The following ST7 variants were observed in gnomAD, a reference collection of about 807,000 sequenced individuals.
ST7 encodes suppression of tumorigenicity 7, also known as suppressor of tumorigenicity 7 protein.
A neutral mutation model predicts 78.7 loss-of-function variants in ST7; 28 were observed. The observed-to-expected ratio is 0.36, with a 90% CI of 0.26 to 0.49. The LOEUF is 0.49. ST7 is among the 20% of genes least tolerant of loss of function. The pLI is 0.99. For missense variants in ST7, 418 were observed against 696.0 expected (o/e 0.60, Z 4.49); for synonymous variants, 247 against 249.6 (o/e 0.99, Z 0.10).
At chr7:117,188,227 T>C (rs1489378183) in intron 10 of ST7, among the ~76,000 whole-genome samples, 8 of 152,210 alleles carry the variant, frequency 5.3e-5, no homozygotes, top group Non-Finnish European at 2.9e-5. Context: ...CCTCTGTCTA[T>C]TGGCTAATTA....
At chr7:116,978,105 A>G (rs1426914199) in intron 1 of ST7, among the ~76,000 whole-genome samples, 3 of 152,134 alleles carry the variant, frequency 2.0e-5, no homozygotes, top group African/African-American at 4.8e-5. Context: ...GAATCATTCC[A>G]TGGGCCAGCC....
At chr7:116,982,720 A>C (rs1794012536) in intron 1 of ST7, among the ~76,000 whole-genome samples, 1 of 152,162 alleles carries the variant, frequency 6.6e-6, no homozygotes, top group Non-Finnish European at 1.5e-5. Context: ...TCTTGGAATC[A>C]GCAGTTTCTC....
chr7:116,978,356 T>C (rs1318724747), intron 1 of ST7, among the ~76,000 whole-genome samples: 1 of 152,214 alleles, frequency 6.6e-6, no homozygotes, highest in Non-Finnish European at 1.5e-5. Flanking sequence ...ATTCTACTTC[T>C]GGTATCTTAG....
chr7:117,123,283 T>G (rs918849769), intron 3 of ST7, among the ~76,000 whole-genome samples: 1 of 152,274 alleles, frequency 6.6e-6, no homozygotes, highest in East Asian at 1.9e-4. Flanking sequence ...TTGTTTTGAA[T>G]AAAAGCTGAA....
chr7:117,184,047 T>C (rs1392265800), intron 10 of ST7: 1 of 152,258 alleles, frequency 6.6e-6, no homozygotes, highest in Non-Finnish European at 1.5e-5. Context: ...TTCAGGATTA[T>C]AACTTTTAAT....
At chr7:117,164,958 G>C (rs1183948051) in intron 9 of ST7, among the ~76,000 whole-genome samples, 2 of 152,098 alleles carry the variant, frequency 1.3e-5, no homozygotes, top group African/African-American at 4.8e-5. Flanking sequence ...ACTTTAGGAG[G>C]TGGCATTTGA....
chr7:117,045,612 G>A (rs1484419483), intron 1 of ST7, among the ~76,000 whole-genome samples: 2 of 152,120 alleles, frequency 1.3e-5, no homozygotes, highest in African/African-American at 4.8e-5. Context: ...CTTTCTAATA[G>A]ATGATACAAT....
intron 1 of ST7, among the ~76,000 whole-genome samples, chr7:117,029,249 C>T (rs560063758): frequency 2.0e-5 from 3 of 152,226 alleles, no homozygotes; most frequent in African/African-American, 4.8e-5. Flanking sequence ...CAAATTCTTG[C>T]CAACATTTAG....
Position 117,078,511 on chromosome 7 carries a change from T to C in ST7, c.152-21251T>C, listed in dbSNP as rs1799522163. 2.0e-5 allele frequency among the ~76,000 whole-genome samples: 3 copies of C among 152,360 alleles called. No homozygotes were observed. The South Asian group carries it at 6.2e-4, about 32-fold the overall frequency. ...CTTTCTAATGTAATTATTATGCTAT[T>C]ATCAATTTGTTACCATGCAGTAATC... On this transcript the variant is annotated intron_variant, in intron 1 of 15. Transcript: ENST00000323984.
At chr7:117,149,392 T>A (rs753039502) in intron 9 of ST7, among the ~76,000 whole-genome samples, 5 of 152,110 alleles carry the variant, frequency 3.3e-5, no homozygotes, top group Admixed American at 1.3e-4. Flanking sequence ...CACTGTCCCA[T>A]TTTCCACTCT....
At position 117,222,582 on chromosome 7, in the gene ST7, A is replaced by G. The variant is rs531582737; in HGVS notation, c.1638+520A>G. 3.8e-4 allele frequency among the ~76,000 whole-genome samples: 58 copies of G among 152,338 alleles called. 1 individual carries two copies. The East Asian group carries it at 0.01, about 26-fold the overall frequency. ...ATGACATTTAGAAATATGGAAATCC[A>G]TTAAGAGTCTTTAAGGAGCTTGGGG... On this transcript the variant is annotated intron_variant, in intron 15 of 15. Transcript: ENST00000323984.
intron 2 of ST7, among the ~76,000 whole-genome samples, chr7:117,108,681 C>T (rs571577886): frequency 1.3e-5 from 2 of 151,884 alleles, no homozygotes; most frequent in Admixed American, 6.5e-5. Context: ...TTGCTTTCGG[C>T]AGTATGGTCA....
At chr7:117,047,597 T>G (rs1057042916) in intron 1 of ST7, among the ~76,000 whole-genome samples, 21 of 152,240 alleles carry the variant, frequency 1.4e-4, no homozygotes, top group African/African-American at 5.1e-4. Context: ...CTGTGCATTG[T>G]TAGATAGCTT....
chr7:116,972,523 G>T (rs1462884959), intron 1 of ST7: 2 of 1,094,256 alleles, frequency 1.8e-6, no homozygotes, highest in African/African-American at 1.5e-5. Context: ...CAACTTATGA[G>T]CTACCTCTTC....
chr7:117,228,323 C>G (rs984449771), intron 15 of ST7, among the ~76,000 whole-genome samples: 3 of 152,200 alleles, frequency 2.0e-5, no homozygotes, highest in Admixed American at 6.5e-5. Context: ...TCCAGATCTT[C>G]GTGGCCCCCT....
At chr7:117,061,915 G>C (rs188833635) in intron 1 of ST7, among the ~76,000 whole-genome samples, 4 of 152,298 alleles carry the variant, frequency 2.6e-5, no homozygotes, top group African/African-American at 9.6e-5. Flanking sequence ...TGATTTGATG[G>C]TATATGAGTC....
intron 1 of ST7, among the ~76,000 whole-genome samples, chr7:117,000,993 T>C (rs1252069555): frequency 6.6e-6 from 1 of 152,248 alleles, no homozygotes. Flanking sequence ...GCCTATGGCA[T>C]TGTGAATCTA....
chr7:117,020,599 G>T (rs1795848107), intron 1 of ST7: 1 of 1,549,986 alleles, frequency 6.5e-7, no homozygotes. Flanking sequence ...GCAGCCTCTG[G>T]AGCCAGCCAT....
intron 2 of ST7, chr7:117,118,396 G>A (rs770442063): frequency 1.3e-5 from 2 of 152,130 alleles, no homozygotes; most frequent in East Asian, 1.9e-4. Flanking sequence ...GAAACATTTC[G>A]TTTGATTAAT....
Sources: gnomAD v4.1 joint callset for allele counts (sites outside exome capture counted in the v4.1 genomes callset) on GRCh38, gnomAD v4.1.1 for gene constraint, MANE v1.5 for transcripts, NCBI Gene and HGNC (gene_info 2026-07-23, HGNC 2026-07-21) for gene names.